The following DLC1 variants were observed in gnomAD, a reference collection of about 807,000 sequenced individuals.
DLC1 encodes the protein DLC1 Rho GTPase activating protein.
DLC1 carries 54 observed loss-of-function variants against 140.3 expected under a neutral mutation model. That is an observed-to-expected ratio of 0.38 (90% CI 0.31 to 0.48). The LOEUF (loss-of-function observed/expected upper bound fraction) is 0.48, where lower values mean the gene tolerates loss of function less well. DLC1 is among the 20% of genes least tolerant of loss of function. The probability of loss-of-function intolerance (pLI) is 0.96; values close to 1 mark genes in which losing one functional copy is unlikely to be tolerated. For synonymous variants in DLC1, 986 were observed against 728.1 expected (o/e 1.35, Z -5.70); for missense variants, 2,536 against 1,907.0 (o/e 1.33, Z -6.14).
intron 5 of DLC1, among the ~76,000 whole-genome samples, chr8:13,120,237 G>A (rs1432847990): frequency 6.6e-6 from 1 of 150,684 alleles, no homozygotes; most frequent in Non-Finnish European, 1.5e-5. Flanking sequence ...CAGCTACGCA[G>A]GAGGCTGAGG....
At chr8:13,299,288 TA>T (rs555838873) in intron 5 of DLC1, among the ~76,000 whole-genome samples, 93 of 147,148 alleles carry the variant, frequency 6.3e-4, no homozygotes, top group Non-Finnish European at 1.1e-3. Flanking sequence ...ACTAAAAATA[TA>T]AAAAAAAAAT....
chr8:13,576,278 G>C (rs1804833436), intron 1 of DLC1, among the ~76,000 whole-genome samples: 2 of 152,218 alleles, frequency 1.3e-5, no homozygotes, highest in African/African-American at 4.8e-5. Flanking sequence ...TTTGAGAAGA[G>C]ATTGCTAAAG....
rs551408858 is a variant in DLC1 at position 13,418,894 on chromosome 8, C to T, written c.1024-17275G>A. Among the ~76,000 whole-genome samples, 18 of 152,036 alleles carry T rather than the reference C, an allele frequency of 1.2e-4. No individual in the cohort carries two copies. The South Asian group carries it at 3.7e-3, about 32-fold the overall frequency. Reference sequence around the variant, plus strand: ...TTGTATCCTCTTTTATTTCATTGAGCAGTGGTTTGTAGTTCTCCTTGAAGA... The same window carrying T: ...TTGTATCCTCTTTTATTTCATTGAGTAGTGGTTTGTAGTTCTCCTTGAAGA... On this transcript the variant is annotated intron_variant, in intron 2 of 17. Coordinates refer to ENST00000276297, the MANE Select transcript of DLC1 (RefSeq NM_182643.3).
intron 5 of DLC1, among the ~76,000 whole-genome samples, chr8:13,135,073 C>A (rs1822453602): frequency 6.6e-6 from 1 of 152,042 alleles, no homozygotes; most frequent in African/African-American, 2.4e-5. Context: ...GAGGAGCTGC[C>A]CAAGAGCCCA....
chr8:13,492,040 A>T (rs1315526985), intron 2 of DLC1, among the ~76,000 whole-genome samples: 1 of 152,192 alleles, frequency 6.6e-6, no homozygotes, highest in Non-Finnish European at 1.5e-5. Context: ...ACATAGGATT[A>T]CAGTAGGAAT....
At chr8:13,425,845 G>A (rs1174416617) in intron 2 of DLC1, among the ~76,000 whole-genome samples, 1 of 152,166 alleles carries the variant, frequency 6.6e-6, no homozygotes, top group East Asian at 1.9e-4. Context: ...CACAATCATA[G>A]CTCACTGTAG....
At chr8:13,493,939 G>T (rs1182624324) in intron 2 of DLC1, among the ~76,000 whole-genome samples, 1 of 152,120 alleles carries the variant, frequency 6.6e-6, no homozygotes, top group Non-Finnish European at 1.5e-5. Context: ...AGAATAAGGA[G>T]AAAATATTTG....
chr8:13,397,878 A>C (rs1837118870), intron 3 of DLC1, among the ~76,000 whole-genome samples: 1 of 152,116 alleles, frequency 6.6e-6, no homozygotes, highest in Non-Finnish European at 1.5e-5. Context: ...CACGCCTGTA[A>C]TCCCAGCACT....
chr8:13,587,606 TA>T (rs1805374213), intron 1 of DLC1, among the ~76,000 whole-genome samples: 1 of 24,740 alleles, frequency 4.0e-5, no homozygotes, highest in African/African-American at 1.3e-4. Flanking sequence ...ACATTGCATA[TA>T]TATATATATA....
At chr8:13,529,705 A>T (rs1166117358) in intron 1 of DLC1, among the ~76,000 whole-genome samples, 1 of 152,182 alleles carries the variant, frequency 6.6e-6, no homozygotes, top group African/African-American at 2.4e-5. Flanking sequence ...GATAAGAAAA[A>T]AGGGAGCACC....
intron 1 of DLC1, among the ~76,000 whole-genome samples, chr8:13,561,209 T>A (rs2117381576): frequency 6.6e-6 from 1 of 152,054 alleles, no homozygotes; most frequent in East Asian, 1.9e-4. Flanking sequence ...TGCAGCCTCG[T>A]ACTTCTGACC....
intron 2 of DLC1, among the ~76,000 whole-genome samples, chr8:13,426,923 G>A (rs573919509): frequency 1.3e-5 from 2 of 152,146 alleles, no homozygotes; most frequent in South Asian, 4.1e-4. Context: ...GTCATATCAC[G>A]AGTTTTTGTT....
chr8:13,541,892 C>G (rs1376236604), intron 1 of DLC1, among the ~76,000 whole-genome samples: 6 of 152,166 alleles, frequency 3.9e-5, no homozygotes, highest in Non-Finnish European at 8.8e-5. Context: ...TAGTGTCAAT[C>G]AAATATTTTA....
rs139782605 is a variant in DLC1, at chr8:13,424,854, T to C, written c.1024-23235A>G. On this transcript the variant is annotated intron_variant, in intron 2 of 17. Transcript: ENST00000276297. Reference sequence around the variant, plus strand: ...TCCCAAAGTGCTGGGATTACAGGCATGACAAAATTAGTAATTTAATAAAAT... The same window carrying C: ...TCCCAAAGTGCTGGGATTACAGGCACGACAAAATTAGTAATTTAATAAAAT... 1.8e-3 allele frequency among the ~76,000 whole-genome samples: 271 copies of C among 152,290 alleles called. 1 individual carries two copies. The highest frequency in any genetic ancestry group is 6.3e-3 in the African/African-American group (263 of 41,566).
At chr8:13,224,102 A>G (rs1004827032) in intron 5 of DLC1, among the ~76,000 whole-genome samples, 1 of 152,228 alleles carries the variant, frequency 6.6e-6, no homozygotes, top group African/African-American at 2.4e-5. Context: ...TCCTTTGACA[A>G]AAACATCTGG....
At chr8:13,347,248 T>G (rs898116101) in intron 4 of DLC1, among the ~76,000 whole-genome samples, 3 of 152,248 alleles carry the variant, frequency 2.0e-5, no homozygotes, top group African/African-American at 7.2e-5. Flanking sequence ...TATGTGGCTA[T>G]GAAATCAATC....
chr8:13,567,455 A>C (rs1367663100), intron 1 of DLC1: 2 of 1,552,128 alleles, frequency 1.3e-6, no homozygotes, highest in Middle Eastern at 1.7e-4. Context: ...CTTGGATTGG[A>C]TGTAGAGGCT....
chr8:13,128,834 CAA>C (rs531659822), intron 5 of DLC1, among the ~76,000 whole-genome samples: 3 of 128,760 alleles, frequency 2.3e-5, no homozygotes, highest in Non-Finnish European at 3.3e-5. Context: ...GACTCCGTCT[CAA>C]AAAAAAAAAA....
chr8:13,423,500 G>T (rs72603957), intron 2 of DLC1, among the ~76,000 whole-genome samples: 11,092 of 152,022 alleles, frequency 0.073, 546 homozygotes, highest in East Asian at 0.14. Flanking sequence ...GATAATCCTT[G>T]ATTCTTAGTA....
Sources: allele counts gnomAD v4.1 joint callset (sites outside exome capture counted in the v4.1 genomes callset), GRCh38; gene constraint gnomAD v4.1.1; transcripts MANE v1.5; gene names NCBI Gene and HGNC (gene_info 2026-07-23, HGNC 2026-07-21).